The following ST18 variants were observed in gnomAD, a reference collection of about 807,000 sequenced individuals.
The protein encoded by ST18 is suppression of tumorigenicity 18 protein.
In ST18, 50 loss-of-function variants were observed where a neutral mutation model predicts 110.0. The ratio of observed to expected loss-of-function variants is 0.45; its 90% confidence interval spans 0.36 to 0.58. The LOEUF (loss-of-function observed/expected upper bound fraction) is 0.58. ST18 is among the 20% of genes least tolerant of loss of function. The probability of loss-of-function intolerance (pLI) is 0.00; values close to 1 mark genes in which losing one functional copy is unlikely to be tolerated. For missense variants in ST18, 1,306 were observed against 1,280.1 expected, an observed-to-expected ratio of 1.02 and a Z score of -0.31; for synonymous variants, 461 against 452.4, an observed-to-expected ratio of 1.02 and a Z score of -0.24.
chr8:52,222,624 C>T (rs1286249858), intron 3 of ST18, among the ~76,000 whole-genome samples: 1 of 152,220 alleles, frequency 6.6e-6, no homozygotes, highest in Non-Finnish European at 1.5e-5. Flanking sequence ...CCTGCAGAGG[C>T]TCTCCATCCA....
chr8:52,372,265 G>C (rs1218863903), intron 2 of ST18, among the ~76,000 whole-genome samples: 3 of 152,090 alleles, frequency 2.0e-5, no homozygotes, highest in Non-Finnish European at 4.4e-5. Flanking sequence ...AAAGCTTGCA[G>C]AATAAAGATG....
intron 3 of ST18, among the ~76,000 whole-genome samples, chr8:52,223,183 A>G (rs1041381421): frequency 2.0e-5 from 3 of 152,218 alleles, no homozygotes; most frequent in African/African-American, 7.2e-5. Flanking sequence ...ACTGCGCCTG[A>G]GAAAGACAGT....
rs189381176 is a variant in ST18 at position 52,116,884 on chromosome 8, A to G, written c.2860-466T>C. Among the ~76,000 whole-genome samples the G allele has an allele frequency of 2.6e-5, 4 of 151,998 alleles. No homozygotes were observed. In the East Asian group the frequency reaches 7.8e-4, roughly 29 times the overall value. ...CTGCTGCCCCCTGGGCCCAGCCACC[A>G]GTGTGACTGTGCTACCTTCTCGTGG... On this transcript the variant is annotated intron_variant, in intron 24 of 25. Transcript: ENST00000689386.
chr8:52,335,557 A>T (rs561916609), intron 2 of ST18, among the ~76,000 whole-genome samples: 88 of 152,364 alleles, frequency 5.8e-4, no homozygotes, highest in Middle Eastern at 3.4e-3. Flanking sequence ...TGCTTTATTC[A>T]CATAGCCTGA....
intron 9 of ST18, among the ~76,000 whole-genome samples, chr8:52,178,159 G>C (rs558003788): frequency 6.6e-6 from 1 of 152,152 alleles, no homozygotes; most frequent in Non-Finnish European, 1.5e-5. Context: ...CAGTGAGCCA[G>C]ATATAGTCTG....
chr8:52,369,279 C>A (rs921281465), intron 2 of ST18, among the ~76,000 whole-genome samples: 6 of 152,194 alleles, frequency 3.9e-5, no homozygotes, highest in Non-Finnish European at 5.9e-5. Context: ...CTTTTCCCAG[C>A]CTCCCTTGTA....
chr8:52,176,189 TA>T (rs1236803094), intron 9 of ST18, among the ~76,000 whole-genome samples: 1 of 151,992 alleles, frequency 6.6e-6, no homozygotes, highest in East Asian at 1.9e-4. Flanking sequence ...ATCCGGCTAA[TA>T]TTTTTTGTAT....
intron 2 of ST18, among the ~76,000 whole-genome samples, chr8:52,305,699 C>T (rs1013049987): frequency 1.6e-4 from 25 of 152,304 alleles, no homozygotes; most frequent in Admixed American, 4.6e-4. Flanking sequence ...TCACCGCATC[C>T]GGTGTATCAG....
intron 2 of ST18, among the ~76,000 whole-genome samples, chr8:52,264,135 A>T (rs2094793898): frequency 6.6e-6 from 1 of 152,142 alleles, no homozygotes; most frequent in Non-Finnish European, 1.5e-5. Context: ...AAACTATCAG[A>T]GTTCTGTTTA....
chr8:52,190,446 T>G (rs1274027939), intron 8 of ST18, among the ~76,000 whole-genome samples: 1 of 152,142 alleles, frequency 6.6e-6, no homozygotes, highest in Non-Finnish European at 1.5e-5. Context: ...CCTACAAGAC[T>G]GATCCTGGGG....
At chr8:52,284,991 C>A (rs534106968) in intron 2 of ST18, among the ~76,000 whole-genome samples, 1 of 152,242 alleles carries the variant, frequency 6.6e-6, no homozygotes, top group South Asian at 2.1e-4. Flanking sequence ...AAATGTTGAA[C>A]AACTATAAGG....
intron 23 of ST18, among the ~76,000 whole-genome samples, chr8:52,119,813 C>T (rs62500973): frequency 0.09 from 13,739 of 152,198 alleles, 877 homozygotes; most frequent in Non-Finnish European, 0.14. Context: ...TCTGTGGGTA[C>T]TTACTGCTTT....
At chr8:52,138,895 C>T (rs928915773) in intron 17 of ST18, among the ~76,000 whole-genome samples, 7 of 152,146 alleles carry the variant, frequency 4.6e-5, no homozygotes, top group Non-Finnish European at 7.3e-5. Context: ...GATAAACTAA[C>T]GCTATTCCTA....
intron 16 of ST18, among the ~76,000 whole-genome samples, chr8:52,148,352 C>A (rs2057914168): frequency 6.6e-6 from 1 of 152,150 alleles, no homozygotes; most frequent in Non-Finnish European, 1.5e-5. Context: ...GTGTGTGAAT[C>A]CCCTCATCCT....
chr8:52,125,442 T>C (rs1347062865), intron 23 of ST18, among the ~76,000 whole-genome samples: 1 of 151,944 alleles, frequency 6.6e-6, no homozygotes, highest in Non-Finnish European at 1.5e-5. Flanking sequence ...CACACACACG[T>C]GAGAGAGACT....
At position 52,252,602 on chromosome 8, in the gene ST18, A is replaced by C. The variant is rs575605705; in HGVS notation, c.-464-22525T>G. ...TAAATACAACCACCTTACGCTCTCC[A>C]AGGTACAGTATATCCAAATTTAAAA... On this transcript the variant is annotated intron_variant, in intron 2 of 25. Transcript: ENST00000689386. 2.4e-4 allele frequency among the ~76,000 whole-genome samples: 37 copies of C among 152,130 alleles called. No individual in the cohort carries two copies. In the South Asian group the frequency reaches 7.2e-3, roughly 30 times the overall value.
intron 2 of ST18, among the ~76,000 whole-genome samples, chr8:52,251,015 T>G (rs1187357926): frequency 6.6e-6 from 1 of 152,186 alleles, no homozygotes; most frequent in Non-Finnish European, 1.5e-5. Flanking sequence ...AAATCTTTTC[T>G]TCATGTCTTG....
chr8:52,406,966 G>A (rs111231485), intron 2 of ST18: 3 of 152,144 alleles, frequency 2.0e-5, no homozygotes, highest in Non-Finnish European at 2.9e-5. Context: ...TTTGTTATGC[G>A]TTCGTGAACT....
intron 2 of ST18, among the ~76,000 whole-genome samples, chr8:52,282,992 G>A (rs141123516): frequency 1.1e-3 from 170 of 152,312 alleles, no homozygotes; most frequent in Non-Finnish European, 1.9e-3. Flanking sequence ...GAAAACAAGA[G>A]TGGAAGCAGG....
Sources: gnomAD v4.1 joint callset for allele counts (sites outside exome capture counted in the v4.1 genomes callset) on GRCh38, gnomAD v4.1.1 for gene constraint, MANE v1.5 for transcripts, NCBI Gene and HGNC (gene_info 2026-07-23, HGNC 2026-07-21) for gene names.